The following PTPRD variants were observed in gnomAD, a reference collection of about 807,000 sequenced individuals.
The protein encoded by PTPRD is protein tyrosine phosphatase receptor type D.
In PTPRD, 34 loss-of-function variants were observed where a neutral mutation model predicts 214.5. The ratio of observed to expected loss-of-function variants is 0.16; its 90% CI spans 0.12 to 0.21. The LOEUF is 0.21. Among genes scored for constraint, PTPRD ranks in the 10% least tolerant of loss-of-function variants. The probability of loss-of-function intolerance (pLI) is 1.00; values close to 1 mark genes in which losing one functional copy is unlikely to be tolerated. For missense variants in PTPRD, 2,545 were observed against 2,398.7 expected (o/e 1.06, Z -1.27); for synonymous variants, 1,128 against 845.7 (o/e 1.33, Z -5.79).
chr9:10,398,399 C>A (rs2098212467), intron 2 of PTPRD, among the ~76,000 whole-genome samples: 1 of 151,446 alleles, frequency 6.6e-6, no homozygotes, highest in Admixed American at 6.6e-5. Flanking sequence ...CTACCTATAT[C>A]TATATATATA....
intron 3 of PTPRD, among the ~76,000 whole-genome samples, chr9:10,127,996 A>G (rs1192064604): frequency 6.6e-6 from 1 of 152,132 alleles, no homozygotes; most frequent in Admixed American, 6.6e-5. Context: ...TCTGTTTGAC[A>G]TCATGTTTGG....
chr9:9,559,270 A>T (rs572177515), intron 8 of PTPRD, among the ~76,000 whole-genome samples: 9 of 152,296 alleles, frequency 5.9e-5, no homozygotes, highest in African/African-American at 2.2e-4. Flanking sequence ...AGGGCAGCAT[A>T]TGCAGTTACT....
intron 2 of PTPRD, among the ~76,000 whole-genome samples, chr9:10,500,473 G>A (rs1267548649): frequency 2.0e-5 from 3 of 151,840 alleles, no homozygotes; most frequent in Non-Finnish European, 4.4e-5. Context: ...GTTGATACTG[G>A]CATGTAATGG....
intron 5 of PTPRD, among the ~76,000 whole-genome samples, chr9:9,787,157 C>T (rs974177866): frequency 6.7e-6 from 1 of 149,420 alleles, no homozygotes; most frequent in African/African-American, 2.5e-5. Context: ...AAAAAAAATA[C>T]ATAAAAATGT....
chr9:10,138,607 A>G (rs1443268063), intron 3 of PTPRD, among the ~76,000 whole-genome samples: 1 of 152,058 alleles, frequency 6.6e-6, no homozygotes, highest in Non-Finnish European at 1.5e-5. Context: ...CAGAGACACA[A>G]TATCAGGACA....
chr9:8,438,476 G>C (rs1363912509), intron 34 of PTPRD, among the ~76,000 whole-genome samples: 1 of 152,192 alleles, frequency 6.6e-6, no homozygotes, highest in Non-Finnish European at 1.5e-5. Context: ...AAACTTTTCT[G>C]TATTAATGAT....
In PTPRD at chr9:8,499,923, G is replaced by A. The variant is rs192250641; in HGVS notation, c.2129-83C>T. ...CATTTTCTGCATTTTCTTTACTTAG[G>A]TTTCTCTTTCAAAAAATGGGTAAAC... On this transcript the variant is annotated intron_variant, in intron 24 of 45. Transcript: ENST00000381196. 1.7e-4 allele frequency: 214 copies of A among 1,243,558 alleles called. 2 individuals carry two copies. In the East Asian group the frequency reaches 2.6e-3, roughly 15 times the overall value. 77.0% of individuals were successfully genotyped at this position (1,243,558 alleles called of 1,614,324 possible).
Position 8,902,889 on chromosome 9 carries a change from T to C in PTPRD, c.-104+115808A>G, listed in dbSNP as rs1168965629. On this transcript the variant is annotated intron_variant, in intron 11 of 45. Transcript: ENST00000381196. ...TCATAATTTCTATTTCTGTTAAGATTTTTCAGAAGGTTAATAGTAGTAATG... is the reference window on the plus strand; with the variant it reads ...TCATAATTTCTATTTCTGTTAAGATCTTTCAGAAGGTTAATAGTAGTAATG... Among the ~76,000 whole-genome samples the C allele has an allele frequency of 2.0e-5, 3 of 152,308 alleles. No individual in the cohort carries two copies. In the East Asian group the frequency reaches 5.8e-4, roughly 29 times the overall value.
intron 11 of PTPRD, among the ~76,000 whole-genome samples, chr9:8,920,437 T>A (rs1160445214): frequency 6.6e-6 from 1 of 152,214 alleles, no homozygotes; most frequent in East Asian, 1.9e-4. Context: ...CATATTTTTA[T>A]AGTTTGATCA....
chr9:9,800,811 T>C (rs903295955), intron 5 of PTPRD: 2 of 152,208 alleles, frequency 1.3e-5, no homozygotes, highest in African/African-American at 4.8e-5. Flanking sequence ...CATCTCTAGC[T>C]GATAGCAGTA....
intron 11 of PTPRD, among the ~76,000 whole-genome samples, chr9:8,748,522 C>CAAAAAAAAAAAAA (rs1239091825): frequency 7.9e-5 from 3 of 37,854 alleles, no homozygotes; most frequent in African/African-American, 1.4e-4. Flanking sequence ...CCTGCAACTG[C>CAAAAAAAAAAAAA]AAAAAAAAAA....
At position 10,063,468 on chromosome 9, in the gene PTPRD, G is replaced by A. The variant is rs114615161; in HGVS notation, c.-544-29678C>T. On this transcript the variant is annotated intron_variant, in intron 3 of 45. Transcript: ENST00000381196. ...TATGAAGAGCAAAAAGAGAAATCTT[G>A]GGGTTTATGATCTAGATATCTAAAT... 2.5e-3 allele frequency among the ~76,000 whole-genome samples: 380 copies of A among 152,082 alleles called. 2 individuals carry two copies. Among genetic ancestry groups the A allele is most frequent in the African/African-American group, 8.9e-3 (370 of 41,528 alleles).
chr9:9,110,704 C>G (rs1255857206), intron 10 of PTPRD, among the ~76,000 whole-genome samples: 2 of 152,160 alleles, frequency 1.3e-5, no homozygotes, highest in East Asian at 3.9e-4. Flanking sequence ...TGCCCACAGA[C>G]CACCATCAAC....
chr9:9,936,406 T>C (rs1462548491), intron 5 of PTPRD, among the ~76,000 whole-genome samples: 1 of 151,862 alleles, frequency 6.6e-6, no homozygotes, highest in African/African-American at 2.4e-5. Context: ...AATTAAAAAG[T>C]GGGCGAAGGA....
At chr9:9,936,498 A>T (rs1206783148) in intron 5 of PTPRD, among the ~76,000 whole-genome samples, 1 of 149,796 alleles carries the variant, frequency 6.7e-6, no homozygotes, top group Middle Eastern at 3.2e-3. Flanking sequence ...TGGCCATCAG[A>T]GAAATGCAAA....
chr9:9,645,732 A>G (rs2096137800), intron 7 of PTPRD, among the ~76,000 whole-genome samples: 2 of 151,810 alleles, frequency 1.3e-5, no homozygotes, highest in Non-Finnish European at 2.9e-5. Context: ...TGAAAATTAT[A>G]CTCCTGTATA....
At position 8,589,739 on chromosome 9, in the gene PTPRD, T is replaced by C. The variant is rs376071330; in HGVS notation, c.352+43578A>G. Among the ~76,000 whole-genome samples, 14 of 152,260 alleles carry C rather than the reference T, an allele frequency of 9.2e-5. No individual in the cohort carries two copies. In the East Asian group the frequency reaches 2.1e-3, roughly 23 times the overall value. ...GTTGGCACGTCTGCCACCTCAGAAA[T>C]CAACAAAGTCATGCTTCCGTTTGAA... is the stretch of plus-strand genomic sequence containing the variant. On this transcript the variant is annotated intron_variant, in intron 14 of 45. Coordinates refer to ENST00000381196, the MANE Select transcript of PTPRD (RefSeq NM_002839.4).
rs540361394 is a variant in PTPRD, at chr9:9,176,126, G to T, written c.-143+7178C>A. 2.5e-4 allele frequency among the ~76,000 whole-genome samples: 38 copies of T among 152,262 alleles called. 1 individual carries two copies. The South Asian group carries it at 7.7e-3, about 31-fold the overall frequency. On this transcript the variant is annotated intron_variant, in intron 10 of 45. Transcript: ENST00000381196. ...TCCACAGCCTATAAGTAGAAAAATAGTTGAAGAGCATGAGGCAGATAAACT... is the reference window on the plus strand; with the variant it reads ...TCCACAGCCTATAAGTAGAAAAATATTTGAAGAGCATGAGGCAGATAAACT...
chr9:8,480,179 T>G (rs997471970), intron 30 of PTPRD, among the ~76,000 whole-genome samples: 3 of 152,122 alleles, frequency 2.0e-5, no homozygotes, highest in African/African-American at 7.2e-5. Context: ...TCTTAAGAGG[T>G]AGACAAGTAC....
Sources: allele counts gnomAD v4.1 joint callset (sites outside exome capture counted in the v4.1 genomes callset), GRCh38; gene constraint gnomAD v4.1.1; transcripts MANE v1.5; gene names NCBI Gene and HGNC (gene_info 2026-07-23, HGNC 2026-07-21).